FRMD5: variants seen among roughly 807,000 people sequenced by gnomAD.
FRMD5 encodes the protein FERM domain-containing protein 5.
Under a neutral mutation model 69.0 loss-of-function variants are expected in FRMD5, and 20 were observed. That is an observed-to-expected ratio of 0.29 (90% confidence interval 0.20 to 0.42). The LOEUF (loss-of-function observed/expected upper bound fraction) is 0.42. Among genes scored for constraint, FRMD5 ranks in the 10% least tolerant of loss-of-function variants. The pLI is 1.00. For missense variants in FRMD5, 595 were observed against 708.6 expected (o/e 0.84, Z 1.82); for synonymous variants, 271 against 260.1 (o/e 1.04, Z -0.40).
At chr15:43,895,767 G>T (rs566071917) in intron 7 of FRMD5, among the ~76,000 whole-genome samples, 2 of 152,278 alleles carry the variant, frequency 1.3e-5, no homozygotes, top group Non-Finnish European at 2.9e-5. Context: ...GGCACATGAG[G>T]CTCAGCAATC....
chr15:44,034,613 G>A (rs1334265662), intron 1 of FRMD5, among the ~76,000 whole-genome samples: 1 of 152,192 alleles, frequency 6.6e-6, no homozygotes, highest in African/African-American at 2.4e-5. Context: ...ATCTATCTTA[G>A]GAAAATATTT....
chr15:44,047,506 T>C (rs1892480146), intron 1 of FRMD5, among the ~76,000 whole-genome samples: 3 of 152,186 alleles, frequency 2.0e-5, no homozygotes, highest in Admixed American at 6.5e-5. Context: ...TTCCCTACCA[T>C]AAAGATCAAT....
At chr15:44,005,708 A>T (rs1431937951) in intron 1 of FRMD5, among the ~76,000 whole-genome samples, 1 of 152,054 alleles carries the variant, frequency 6.6e-6, no homozygotes, top group East Asian at 1.9e-4. Flanking sequence ...CTTTTAAACA[A>T]CCAGATCTCA....
At chr15:44,161,338 T>C (rs1323220968) in intron 1 of FRMD5, among the ~76,000 whole-genome samples, 1 of 152,190 alleles carries the variant, frequency 6.6e-6, no homozygotes, top group East Asian at 1.9e-4. Flanking sequence ...CCTCTGAGTA[T>C]AGAATATAGT....
chr15:43,994,900 T>C (rs189093185), intron 1 of FRMD5, among the ~76,000 whole-genome samples: 71 of 152,348 alleles, frequency 4.7e-4, no homozygotes, highest in African/African-American at 1.7e-3. Flanking sequence ...CTTGAAGAAC[T>C]CCGTTCAGCC....
At chr15:43,981,803 C>T (rs1007579585) in intron 1 of FRMD5, among the ~76,000 whole-genome samples, 1 of 152,344 alleles carries the variant, frequency 6.6e-6, no homozygotes, top group South Asian at 2.1e-4. Flanking sequence ...TCATCTCCAT[C>T]GAGTTGTCTT....
chr15:43,883,279 G>A (rs2088581160), intron 13 of FRMD5, among the ~76,000 whole-genome samples: 1 of 152,004 alleles, frequency 6.6e-6, no homozygotes, highest in Non-Finnish European at 1.5e-5. Flanking sequence ...TGTATTTTTA[G>A]TAGAGACAGG....
At chr15:43,978,801 C>T (rs959144593) in intron 1 of FRMD5, among the ~76,000 whole-genome samples, 1 of 152,122 alleles carries the variant, frequency 6.6e-6, no homozygotes, top group Non-Finnish European at 1.5e-5. Flanking sequence ...ATCCACCCAC[C>T]TCGGCTTCCC....
rs74852776 is a variant in FRMD5 at position 44,078,137 on chromosome 15, A to G, written c.102+116816T>C. Among the ~76,000 whole-genome samples the G allele has an allele frequency of 5.6e-3, 859 of 152,280 alleles. 8 individuals carry two copies. The highest frequency in any genetic ancestry group is 0.033 in the East Asian group (172 of 5,186). On this transcript the variant is annotated intron_variant, in intron 1 of 13. Transcript: ENST00000417257. ...CTGAATAGCTGAATGCTTTCCAATC[A>G]AACTTTTAAAAAATTCAAAAGGCAT...
chr15:44,111,487 T>C (rs1441868752), intron 1 of FRMD5, among the ~76,000 whole-genome samples: 1 of 152,214 alleles, frequency 6.6e-6, no homozygotes, highest in African/African-American at 2.4e-5. Context: ...TAAAACAATG[T>C]CCCTAAGAAT....
chr15:43,976,406 A>G (rs1426080777), intron 1 of FRMD5, among the ~76,000 whole-genome samples: 1 of 152,250 alleles, frequency 6.6e-6, no homozygotes. Context: ...AAGGACTTGC[A>G]TGTAGAATAA....
intron 7 of FRMD5, 131 bp from the exon 8 acceptor site, chr15:43,892,200 G>T: frequency 2.6e-6 from 2 of 763,894 alleles, no homozygotes. Context: ...ATATCATCTG[G>T]AATCACAAGA....
At chr15:44,143,571 CT>C (rs1282657457) in intron 1 of FRMD5, among the ~76,000 whole-genome samples, 1 of 151,404 alleles carries the variant, frequency 6.6e-6, no homozygotes, top group Non-Finnish European at 1.5e-5. Flanking sequence ...AAAACCCATT[CT>C]TTTACATTTC....
intron 1 of FRMD5, among the ~76,000 whole-genome samples, chr15:43,930,567 G>T (rs2089657571): frequency 6.6e-6 from 1 of 152,224 alleles, no homozygotes; most frequent in Non-Finnish European, 1.5e-5. Flanking sequence ...AGCTCAGAAG[G>T]AGAAAGGATC....
In FRMD5 at chr15:44,117,550, G is replaced by C. The variant is rs111815012; in HGVS notation, c.102+77403C>G. On this transcript the variant is annotated intron_variant, in intron 1 of 13. Transcript: ENST00000417257. ...ATGAAAGAATTGGAGGGACGATAAA[G>C]AGATTGTAAGAAGCATTGCTATGGG... is the stretch of plus-strand genomic sequence containing the variant. 4.4e-3 allele frequency among the ~76,000 whole-genome samples: 674 copies of C among 152,328 alleles called. 6 individuals carry two copies. Among genetic ancestry groups the C allele is most frequent in the African/African-American group, 0.015 (642 of 41,554 alleles).
chr15:44,061,086 A>C (rs1893070554), intron 1 of FRMD5, among the ~76,000 whole-genome samples: 1 of 152,236 alleles, frequency 6.6e-6, no homozygotes, highest in African/African-American at 2.4e-5. Flanking sequence ...AGAGTAAGGC[A>C]GTACCCTCCT....
At chr15:43,977,269 G>A (rs1262043328) in intron 1 of FRMD5, among the ~76,000 whole-genome samples, 1 of 152,136 alleles carries the variant, frequency 6.6e-6, no homozygotes, top group East Asian at 1.9e-4. Context: ...GTATGGGTGA[G>A]GTTGACCTTT....
intron 1 of FRMD5, among the ~76,000 whole-genome samples, chr15:44,028,672 CA>C (rs1487709584): frequency 2.6e-5 from 4 of 152,146 alleles, no homozygotes; most frequent in Non-Finnish European, 5.9e-5. Flanking sequence ...AACCAGAAGT[CA>C]GGGGGAGGCC....
intron 7 of FRMD5, among the ~76,000 whole-genome samples, chr15:43,895,048 T>G (rs2088881725): frequency 6.6e-6 from 1 of 152,152 alleles, no homozygotes; most frequent in African/African-American, 2.4e-5. Flanking sequence ...CCTCCCAAAG[T>G]GCTGGCATTA....
Sources: allele counts gnomAD v4.1 joint callset (sites outside exome capture counted in the v4.1 genomes callset), GRCh38; gene constraint gnomAD v4.1.1; transcripts MANE v1.5; gene names NCBI Gene and HGNC (gene_info 2026-07-23, HGNC 2026-07-21).